Variants in PXDNL observed in about 807,000 individuals in gnomAD.
The protein encoded by PXDNL is peroxidasin like.
In PXDNL, 145 loss-of-function variants were observed where a neutral mutation model predicts 150.8. The ratio of observed to expected loss-of-function variants is 0.96; its 90% confidence interval spans 0.84 to 1.10. The LOEUF (loss-of-function observed/expected upper bound fraction) is 1.10, where lower values mean the gene tolerates loss of function less well. Among genes scored for constraint, PXDNL ranks in the 50% least tolerant of loss-of-function variants. The pLI is 0.00. For synonymous variants in PXDNL, 757 were observed against 725.7 expected (o/e 1.04, Z -0.69); for missense variants, 2,087 against 1,873.9 (o/e 1.11, Z -2.10).
chr8:51,551,468 TA>T (rs1227712121), intron 4 of PXDNL, among the ~76,000 whole-genome samples: 1 of 151,962 alleles, frequency 6.6e-6, no homozygotes, highest in African/African-American at 2.4e-5. Flanking sequence ...ACTACTGGTA[TA>T]AAAACAGGCA....
intron 17 of PXDNL, among the ~76,000 whole-genome samples, chr8:51,398,223 C>G (rs1586070079): frequency 6.6e-6 from 1 of 152,350 alleles, no homozygotes; most frequent in East Asian, 1.9e-4. Flanking sequence ...ATCTCGCCCA[C>G]ACTGCACAGG....
Position 51,409,236 on chromosome 8 carries a change from G to A in PXDNL, c.2388C>T (p.Asp796=). ...GCATGAGCATGCGCGTGTAGCTGTG[G>A]TCGGGGGTGACGGCCGCCGCGCGCG... ...VWARAAAVTP[D]HSYTRMLMHW... is the part of the protein sequence containing the mutation. The change falls in exon 17 of 23, where the codon GAC becomes GAT. Residue 796 remains aspartate, a synonymous_variant. Coordinates refer to ENST00000356297, the MANE Select transcript of PXDNL (RefSeq NM_144651.5). 6.5e-7 allele frequency: 1 copy of A among 1,534,288 alleles called. No homozygotes were observed. Among genetic ancestry groups the A allele is most frequent in the Non-Finnish European group, 8.7e-7 (1 of 1,145,060 alleles).
At chr8:51,745,125 A>G (rs1224443643) in intron 1 of PXDNL, among the ~76,000 whole-genome samples, 1 of 152,136 alleles carries the variant, frequency 6.6e-6, no homozygotes, top group Non-Finnish European at 1.5e-5. Context: ...TTGTTGAGAA[A>G]CCCACTTATT....
At chr8:51,477,953 A>AT (rs1295518501) in intron 6 of PXDNL, among the ~76,000 whole-genome samples, 3 of 152,170 alleles carry the variant, frequency 2.0e-5, no homozygotes, top group African/African-American at 7.2e-5. Flanking sequence ...AAGGATATAG[A>AT]TTTTCACTTG....
intron 3 of PXDNL, among the ~76,000 whole-genome samples, chr8:51,560,474 G>T (rs768531850): frequency 1.3e-5 from 2 of 151,890 alleles, no homozygotes; most frequent in Non-Finnish European, 2.9e-5. Context: ...CAGATATACA[G>T]ACCAGTAGGA....
chr8:51,724,497 A>T (rs1042327390), intron 1 of PXDNL, among the ~76,000 whole-genome samples: 1 of 152,194 alleles, frequency 6.6e-6, no homozygotes, highest in African/African-American at 2.4e-5. Context: ...GCAGAAAAAA[A>T]AAGGAAAAAT....
intron 4 of PXDNL, among the ~76,000 whole-genome samples, chr8:51,542,870 C>G (rs115728593): frequency 0.019 from 2,826 of 151,194 alleles, 37 homozygotes; most frequent in African/African-American, 0.035. Context: ...GACAGATCAA[C>G]AAAGGCCAAA....
intron 4 of PXDNL, among the ~76,000 whole-genome samples, chr8:51,505,365 T>C (rs1811263497): frequency 6.6e-6 from 1 of 152,174 alleles, no homozygotes; most frequent in South Asian, 2.1e-4. Flanking sequence ...GCTTTCAGCG[T>C]GAACTCACTG....
At position 51,755,497 on chromosome 8, in the gene PXDNL, T is replaced by C. The variant is rs559033978; in HGVS notation, c.164+53684A>G. 2.0e-5 allele frequency among the ~76,000 whole-genome samples: 3 copies of C among 152,232 alleles called. No homozygotes were observed. The South Asian group carries it at 6.2e-4, about 32-fold the overall frequency. ...TTTAGTAGAGATGGATTTTGCCATG[T>C]TGCAGGCTGGTCTCAAACTCCTGAC... On this transcript the variant is annotated intron_variant, in intron 1 of 22. Transcript: ENST00000356297.
intron 4 of PXDNL, among the ~76,000 whole-genome samples, chr8:51,536,653 C>A (rs1450241393): frequency 6.7e-6 from 1 of 149,920 alleles, no homozygotes; most frequent in African/African-American, 2.5e-5. Flanking sequence ...TGCATTTATT[C>A]TTTAAGCTTT....
intron 20 of PXDNL, 148 bp from the exon 21 acceptor site, chr8:51,339,901 T>G (rs940374028): frequency 1.4e-5 from 9 of 659,292 alleles, no homozygotes; most frequent in Non-Finnish European, 2.2e-5. Context: ...ATGGTATGAG[T>G]GGAATTCAAA....
rs570930538 is a variant in PXDNL, at chr8:51,608,250, G to A, written c.237-15552C>T. Among the ~76,000 whole-genome samples the A allele has an allele frequency of 1.6e-4, 23 of 147,458 alleles. 3 individuals are homozygous for A. Among genetic ancestry groups the A allele is most frequent in the African/African-American group, 5.2e-4 (20 of 38,176 alleles). Reference sequence around the variant, plus strand: ...TAAAAATACAAAAAATTAGCCAGGCGTGGTGGCGGGTGCCTGTAATCCCAG... The same window carrying A: ...TAAAAATACAAAAAATTAGCCAGGCATGGTGGCGGGTGCCTGTAATCCCAG... On this transcript the variant is annotated intron_variant, in intron 2 of 22. Transcript: ENST00000356297.
chr8:51,785,362 T>C (rs2037450994), intron 1 of PXDNL, among the ~76,000 whole-genome samples: 1 of 152,222 alleles, frequency 6.6e-6, no homozygotes, highest in Non-Finnish European at 1.5e-5. Flanking sequence ...CGATGATTCA[T>C]ACAATGCACA....
chr8:51,677,065 T>C (rs571375832), intron 1 of PXDNL, among the ~76,000 whole-genome samples: 151 of 152,326 alleles, frequency 9.9e-4, no homozygotes, highest in African/African-American at 3.4e-3. Context: ...CAAACAGGAT[T>C]GTTTACTTGA....
In PXDNL at chr8:51,736,246, T is replaced by C. The variant is rs143539812; in HGVS notation, c.164+72935A>G. ...CATATACATTTGTATAGAGTGAATG[T>C]GCACTATGCCAGTTGATGTTTATCA... is the stretch of plus-strand genomic sequence containing the variant. On this transcript the variant is annotated intron_variant, in intron 1 of 22. Transcript: ENST00000356297. 5.7e-3 allele frequency among the ~76,000 whole-genome samples: 872 copies of C among 152,350 alleles called. 3 individuals are homozygous for C. The highest frequency in any genetic ancestry group is 9.5e-3 in the Non-Finnish European group (648 of 68,030).
chr8:51,661,663 T>C (rs2130813198), intron 1 of PXDNL, among the ~76,000 whole-genome samples: 1 of 152,188 alleles, frequency 6.6e-6, no homozygotes, highest in South Asian at 2.1e-4. Flanking sequence ...GCCAATTCCT[T>C]AAAATCTCCC....
intron 17 of PXDNL, among the ~76,000 whole-genome samples, chr8:51,390,995 G>C (rs918545355): frequency 6.6e-6 from 1 of 152,028 alleles, no homozygotes; most frequent in Non-Finnish European, 1.5e-5. Flanking sequence ...AACATGCGGT[G>C]TTTGGTTTTT....
At chr8:51,393,348 C>T (rs1343718903) in intron 17 of PXDNL, among the ~76,000 whole-genome samples, 5 of 152,074 alleles carry the variant, frequency 3.3e-5, no homozygotes, top group East Asian at 1.9e-4. Flanking sequence ...ATACAATGAT[C>T]GTCATATTCG....
intron 1 of PXDNL, among the ~76,000 whole-genome samples, chr8:51,661,064 T>C (rs1315760633): frequency 6.6e-6 from 1 of 152,224 alleles, no homozygotes; most frequent in Non-Finnish European, 1.5e-5. Context: ...CTCTCCCTGT[T>C]GCTCTAAAAC....
Sources: allele counts gnomAD v4.1 joint callset (sites outside exome capture counted in the v4.1 genomes callset), GRCh38; gene constraint gnomAD v4.1.1; transcripts MANE v1.5; gene names NCBI Gene and HGNC (gene_info 2026-07-23, HGNC 2026-07-21).